The following CHID1 variants were observed in gnomAD, a reference collection of about 807,000 sequenced individuals.
CHID1 encodes the protein chitinase domain containing 1.
CHID1 carries 44 observed loss-of-function variants against 55.4 expected under a neutral mutation model. The ratio of observed to expected loss-of-function variants is 0.79; its 90% CI spans 0.62 to 1.02. The LOEUF (loss-of-function observed/expected upper bound fraction) is 1.02, where lower values mean the gene tolerates loss of function less well. Ranked by LOEUF, CHID1 falls within the 50% of genes least tolerant of loss-of-function variation. The probability of loss-of-function intolerance (pLI) is 0.00; values close to 1 mark genes in which losing one functional copy is unlikely to be tolerated. For missense variants in CHID1, 491 were observed against 515.3 expected, an observed-to-expected ratio of 0.95 and a Z score of 0.46; for synonymous variants, 216 against 212.9, an observed-to-expected ratio of 1.01 and a Z score of -0.13.
rs545507292 is a variant in CHID1 at position 872,508 on chromosome 11, C to A, written c.960-2009G>T. ...AGCAGTGGCTGGCAGCTCCAGCCAT[C>A]CCAGGCCTGGAAAAGGACTGCTGGA... is the stretch of plus-strand genomic sequence containing the variant. On this transcript the variant is annotated intron_variant, in intron 10 of 12. Transcript: ENST00000323578. 1.4e-3 allele frequency among the ~76,000 whole-genome samples: 219 copies of A among 152,314 alleles called. 1 individual carries two copies. Among genetic ancestry groups the A allele is most frequent in the Non-Finnish European group, 2.9e-3 (198 of 68,030 alleles).
At position 876,582 on chromosome 11, in the gene CHID1, C is replaced by A. The variant is rs114507342; in HGVS notation, c.960-6083G>T. ...TGGTGGCTGTCAGGCATCACACTCCCAGCAGCAGGGTTGCCTCTGCCTGTG... is the reference window on the plus strand; with the variant it reads ...TGGTGGCTGTCAGGCATCACACTCCAAGCAGCAGGGTTGCCTCTGCCTGTG... On this transcript the variant is annotated intron_variant, in intron 10 of 12. Transcript: ENST00000323578. Among the ~76,000 whole-genome samples, 522 of 152,338 alleles carry A rather than the reference C, an allele frequency of 3.4e-3. 5 individuals carry two copies. Among genetic ancestry groups the A allele is most frequent in the African/African-American group, 0.012 (490 of 41,578 alleles).
At chr11:909,961 G>A (rs944127982) in intron 1 of CHID1, among the ~76,000 whole-genome samples, 3 of 152,054 alleles carry the variant, frequency 2.0e-5, no homozygotes, top group Non-Finnish European at 2.9e-5. Context: ...TCGGGAGACT[G>A]AGGCAGGAAA....
Position 883,148 on chromosome 11 carries a change from C to G in CHID1, c.959G>C (p.Arg320Thr). Residue 320 changes from arginine to threonine, a missense_variant and splice_region_variant, in exon 10 of 13, where the codon AGG (arginine) becomes ACG (threonine). Arg to Thr is a moderately conservative substitution (Grantham distance 71). Coordinates refer to ENST00000323578, the MANE Select transcript of CHID1 (RefSeq NM_023947.4). ...KDAREPVVGA[R>T]YIQTLKDHRP... ...ACGGCAGGGAGAGCCCTTGGCTCACCTGGCCCCGACAACAGGCTCACGGGC... is the reference window on the plus strand; with the variant it reads ...ACGGCAGGGAGAGCCCTTGGCTCACGTGGCCCCGACAACAGGCTCACGGGC... 2 of 1,609,034 alleles carry G rather than the reference C, an allele frequency of 1.2e-6. No individual in the cohort carries two copies. Among genetic ancestry groups the G allele is most frequent in the Non-Finnish European group, 8.5e-7 (1 of 1,175,866 alleles).
intron 7 of CHID1, among the ~76,000 whole-genome samples, chr11:894,370 A>G (rs1042398511): frequency 5.9e-5 from 9 of 152,038 alleles, no homozygotes; most frequent in African/African-American, 2.2e-4. Flanking sequence ...GTGTTCCCCA[A>G]GGGATGGCAC....
intron 7 of CHID1, among the ~76,000 whole-genome samples, chr11:897,994 G>A (rs1795046215): frequency 6.6e-6 from 1 of 152,112 alleles, no homozygotes; most frequent in East Asian, 1.9e-4. Flanking sequence ...GAAGAGCCTT[G>A]GACTGCTGCC....
At chr11:886,156 AAGAAAAAAAAAAAGG>A (rs1167423049) in intron 8 of CHID1, among the ~76,000 whole-genome samples, 22 of 93,184 alleles carry the variant, frequency 2.4e-4, no homozygotes, top group African/African-American at 8.3e-4. Flanking sequence ...GTCTCAAAAA[AAGAAAAAAAAAAAGG>A]AAAAATGGCG....
chr11:893,605 G>C, intron 7 of CHID1, 86 bp from the exon 8 acceptor site: 4 of 1,103,998 alleles, frequency 3.6e-6, no homozygotes, highest in Non-Finnish European at 5.2e-6. Flanking sequence ...TCAGGGAGGG[G>C]TGGGGCTGGT....
intron 7 of CHID1, among the ~76,000 whole-genome samples, chr11:895,841 A>G (rs1851229844): frequency 6.6e-6 from 1 of 152,052 alleles, no homozygotes; most frequent in Admixed American, 6.5e-5. Flanking sequence ...TGCTCTGAGG[A>G]GCCTGGATAC....
chr11:868,772 G>A lies in CHID1; in HGVS notation c.*1086C>T, dbSNP rs529816661. On this transcript the variant is annotated 3_prime_UTR_variant, in exon 13 of 13. Transcript: ENST00000323578. ...ATTACTGACTCTAAACCAGAACCCAGTGCCCACCCTGTCCTCACCGTCCTC... is the reference window on the plus strand; with the variant it reads ...ATTACTGACTCTAAACCAGAACCCAATGCCCACCCTGTCCTCACCGTCCTC... The A allele has an allele frequency of 1.3e-5, 2 of 152,336 alleles. No homozygotes were observed. The highest frequency in any genetic ancestry group is 1.9e-4 in the East Asian group (1 of 5,182). The allele number at this position is 152,336 out of a possible 1,614,324, so 9.4% of individuals were successfully genotyped here.
At chr11:877,455 TAGA>T (rs1488033800) in intron 10 of CHID1, among the ~76,000 whole-genome samples, 19 of 152,182 alleles carry the variant, frequency 1.2e-4, no homozygotes, top group Admixed American at 1.1e-3. Flanking sequence ...CTATTTTGCA[TAGA>T]AGATCTCGAA....
intron 1 of CHID1, among the ~76,000 whole-genome samples, chr11:910,314 A>G (rs908968292): frequency 6.6e-6 from 1 of 152,086 alleles, no homozygotes; most frequent in East Asian, 1.9e-4. Flanking sequence ...CTGGAGCCCT[A>G]CTGCCTCTGC....
At position 875,338 on chromosome 11, in the gene CHID1, C is replaced by T. The variant is rs1383750166; in HGVS notation, c.960-4839G>A. Among the ~76,000 whole-genome samples, 3 of 152,238 alleles carry T rather than the reference C, an allele frequency of 2.0e-5. No homozygotes were observed. The highest frequency in any genetic ancestry group is 4.4e-5 in the Non-Finnish European group (3 of 68,054). ...ATGTGGGATCCAGCCATGTCCTGAC[C>T]GGAGGCCCTGAGGTTCACCGTCTCC... On this transcript the variant is annotated intron_variant, in intron 10 of 12. Transcript: ENST00000323578. This position sits in a 1 kb window ranked among gnomAD's most constrained non-coding sequence, Gnocchi z 4.7.
At position 880,177 on chromosome 11, in the gene CHID1, C is replaced by T. The variant is rs186119673; in HGVS notation, c.959+2971G>A. 1.7e-3 allele frequency among the ~76,000 whole-genome samples: 254 copies of T among 152,372 alleles called. 1 individual carries two copies. The highest frequency in any genetic ancestry group is 5.9e-3 in the African/African-American group (246 of 41,580). On this transcript the variant is annotated intron_variant, in intron 10 of 12. Transcript: ENST00000323578. ...GCCAGGGGCCCTGGGGCATCGCCCT[C>T]GCCTGTGCGGAGCCCCGCGTGTCTC...
intron 3 of CHID1, among the ~76,000 whole-genome samples, chr11:902,599 T>C (rs527330085): frequency 6.6e-6 from 1 of 152,298 alleles, no homozygotes; most frequent in African/African-American, 2.4e-5. Context: ...ACACCACTGC[T>C]GCAGGCTGGC....
At position 910,786 on chromosome 11, in the gene CHID1, G is replaced by C; in HGVS notation, c.-55C>G. ...GCCGCGGGGCTCACCTGCATGTCAGGGAGGCCGGACGGCCACAAACGCACG... is the reference window on the plus strand; with the variant it reads ...GCCGCGGGGCTCACCTGCATGTCAGCGAGGCCGGACGGCCACAAACGCACG... On this transcript the variant is annotated 5_prime_UTR_variant, in exon 1 of 13. Coordinates refer to ENST00000323578, the MANE Select transcript of CHID1 (RefSeq NM_023947.4). 1 of 1,126,578 alleles carries C rather than the reference G, an allele frequency of 8.9e-7. No homozygotes were observed. The highest frequency in any genetic ancestry group is 1.1e-6 in the Non-Finnish European group (1 of 911,860). 69.8% of individuals were successfully genotyped at this position (1,126,578 alleles called of 1,614,324 possible).
At chr11:878,859 T>A (rs184477093) in intron 10 of CHID1, among the ~76,000 whole-genome samples, 101 of 151,996 alleles carry the variant, frequency 6.6e-4, no homozygotes, top group Middle Eastern at 6.8e-3. Context: ...GCTAATTTTT[T>A]TTTTTGAGAC....
At chr11:883,956 A>G in intron 9 of CHID1, 112 bp downstream of exon 9, 1 of 840,416 alleles carries the variant, frequency 1.2e-6, no homozygotes, top group African/African-American at 1.7e-5. Flanking sequence ...GACCTTGTGC[A>G]CAGAACCACA....
In CHID1 at chr11:904,711, C is replaced by A. The variant is rs1225467940; in HGVS notation, c.106G>T (p.Glu36Ter). 6.2e-7 allele frequency: 1 copy of A among 1,614,024 alleles called. No homozygotes were observed. Among genetic ancestry groups the A allele is most frequent in the Non-Finnish European group, 8.5e-7 (1 of 1,180,036 alleles). Residue 36 changes from glutamate to a stop codon, truncating the protein, a stop_gained, in exon 2 of 13, where the codon GAG becomes TAG. Transcript: ENST00000323578. LOFTEE classifies it high-confidence loss of function. ...AGTCCCCAGGCCACCCTTACCTTCT[C>A]CAGCAGCGTCTTTGAGGCGGCTTTT... ...AKKAASKTLL[E>*]KSQFSDKPVQ...
chr11:880,242 G>A (rs1248966035), intron 10 of CHID1, among the ~76,000 whole-genome samples: 2 of 152,234 alleles, frequency 1.3e-5, no homozygotes, highest in South Asian at 2.1e-4. Context: ...TGGGTGAGAC[G>A]TGGGAGAGAA....
Sources: gnomAD v4.1 joint callset for allele counts (sites outside exome capture counted in the v4.1 genomes callset) on GRCh38, gnomAD v4.1.1 for gene constraint, Gnocchi (gnomAD v3.1) non-coding constraint, MANE v1.5 for transcripts, NCBI Gene and HGNC (gene_info 2026-07-23, HGNC 2026-07-21) for gene names.